TMX4: variants seen among roughly 807,000 people sequenced by gnomAD.
TMX4 encodes thioredoxin related transmembrane protein 4.
TMX4 carries 23 observed loss-of-function variants against 33.3 expected under a neutral mutation model. The observed-to-expected ratio is 0.69, with a 90% CI of 0.50 to 0.98. The LOEUF is 0.98. Ranked by LOEUF, TMX4 falls within the 50% of genes least tolerant of loss-of-function variation. TMX4 has a pLI of 0.00. For synonymous variants in TMX4, 164 were observed against 161.5 expected (o/e 1.02, Z -0.12); for missense variants, 399 against 448.9 (o/e 0.89, Z 1.01).
intron 4 of TMX4, 42 bp from the exon 5 acceptor site, chr20:7,996,113 T>A: frequency 6.6e-7 from 1 of 1,526,184 alleles, no homozygotes; most frequent in South Asian, 1.2e-5. Context: ...TCATATATAC[T>A]ATAAAAAAAA....
chr20:8,004,162 C>G (rs2050718326), intron 2 of TMX4, among the ~76,000 whole-genome samples: 1 of 150,460 alleles, frequency 6.6e-6, no homozygotes, highest in East Asian at 1.9e-4. Flanking sequence ...GGCTAAAAGA[C>G]ATCCGAAAAC....
intron 4 of TMX4, among the ~76,000 whole-genome samples, chr20:7,996,599 C>G (rs905027888): frequency 1.3e-5 from 2 of 152,152 alleles, no homozygotes; most frequent in Non-Finnish European, 2.9e-5. Context: ...TGTCCACCTG[C>G]ATCCACCTTC....
At position 7,982,306 on chromosome 20, in the gene TMX4, A is replaced by G. The variant is rs779781743; in HGVS notation, c.995T>C (p.Val332Ala). ...ACGCTGCCTCAAGGAGTCTTCCACC[A>G]CCTCTGTGTCAGCTGGGCAGGGTTG... The part of the protein sequence containing the change: ...SEQPCPADTE[V>A]VEDSLRQRKS... The change falls in exon 8 of 8, where the codon GTG (valine) becomes GCG (alanine). Residue 332 changes from valine (V) to alanine (A), a missense_variant. Coordinates refer to ENST00000246024, the MANE Select transcript of TMX4 (RefSeq NM_021156.4). The G allele has an allele frequency of 1.2e-6, 2 of 1,613,948 alleles. No homozygotes were observed. Among genetic ancestry groups the G allele is most frequent in the Admixed American group, 3.3e-5 (2 of 59,990 alleles).
chr20:7,981,578 A>G lies in TMX4; in HGVS notation c.*673T>C, dbSNP rs570896239. The G allele has an allele frequency of 6.6e-6, 1 of 152,372 alleles. No homozygotes were observed. Among genetic ancestry groups the G allele is most frequent in the East Asian group, 1.9e-4 (1 of 5,186 alleles). 9.4% of individuals were successfully genotyped at this position (152,372 alleles called of 1,614,324 possible). The stretch of plus-strand genomic sequence containing the variant: ...AGGTCAGAATGAACAAACACAGTTC[A>G]TGTAAACCTGGCTGTTATTGGAGTC... On this transcript the variant is annotated 3_prime_UTR_variant, in exon 8 of 8. Coordinates refer to ENST00000246024, the MANE Select transcript of TMX4 (RefSeq NM_021156.4).
chr20:7,995,243 T>C (rs1305486487), intron 5 of TMX4, among the ~76,000 whole-genome samples: 2 of 152,180 alleles, frequency 1.3e-5, no homozygotes, highest in African/African-American at 4.8e-5. Flanking sequence ...AAAAGACATA[T>C]ATAGGGAGAC....
chr20:7,994,893 G>A (rs930007059), intron 5 of TMX4, among the ~76,000 whole-genome samples: 2 of 152,146 alleles, frequency 1.3e-5, no homozygotes, highest in Non-Finnish European at 2.9e-5. Context: ...AGCAGCAGAA[G>A]GAAACCACAT....
intron 1 of TMX4, among the ~76,000 whole-genome samples, chr20:8,015,351 T>C (rs1203274685): frequency 6.6e-6 from 1 of 152,222 alleles, no homozygotes; most frequent in Non-Finnish European, 1.5e-5. Context: ...TGACTGAGAC[T>C]ACTACTAGAA....
At chr20:8,000,807 C>G (rs1264568614) in intron 3 of TMX4, among the ~76,000 whole-genome samples, 1 of 152,180 alleles carries the variant, frequency 6.6e-6, no homozygotes, top group Non-Finnish European at 1.5e-5. Context: ...CTAGACTTCT[C>G]CATTTGGAAC....
rs1023566030 is a variant in TMX4 at position 7,999,624 on chromosome 20, A to G, written c.467+108T>C. ...AGCATGGCCATGAGTAATCTGGGTA[A>G]TTGGAAGTAAATGTGAAGTAAAACA... On this transcript the variant is annotated intron_variant, in intron 4 of 7. Transcript: ENST00000246024. 4.0e-6 allele frequency: 5 copies of G among 1,264,474 alleles called. No homozygotes were observed. In the African/African-American group the frequency reaches 7.6e-5, roughly 19 times the overall value. The allele number at this position is 1,264,474 out of a possible 1,614,324, so 78.3% of individuals were successfully genotyped here. A position where few individuals can be genotyped will look rare whatever the true frequency, so the allele number is the denominator to read the frequency against.
intron 6 of TMX4, among the ~76,000 whole-genome samples, chr20:7,985,236 T>C (rs903158906): frequency 6.7e-6 from 1 of 149,360 alleles, no homozygotes; most frequent in East Asian, 2.0e-4. Flanking sequence ...TGTGTGTGTG[T>C]GTATATATAT....
intron 5 of TMX4, 58 bp downstream of exon 5, chr20:7,995,968 C>T (rs1327420328): frequency 5.9e-6 from 8 of 1,346,128 alleles, no homozygotes; most frequent in African/African-American, 4.4e-5. Flanking sequence ...TGCTTAAAAG[C>T]TGTATTTTTA....
At chr20:8,010,918 T>C (rs1400170577) in intron 1 of TMX4, among the ~76,000 whole-genome samples, 1 of 152,136 alleles carries the variant, frequency 6.6e-6, no homozygotes, top group Non-Finnish European at 1.5e-5. Flanking sequence ...CTTTTTACAG[T>C]TATTTTTCAT....
chr20:7,998,709 A>C (rs1422334949), intron 4 of TMX4, among the ~76,000 whole-genome samples: 1 of 152,154 alleles, frequency 6.6e-6, no homozygotes, highest in East Asian at 1.9e-4. Flanking sequence ...GGGCTTATGC[A>C]TATGCCATAC....
At chr20:8,010,560 T>C (rs2050748788) in intron 1 of TMX4, among the ~76,000 whole-genome samples, 1 of 152,172 alleles carries the variant, frequency 6.6e-6, no homozygotes, top group Non-Finnish European at 1.5e-5. Flanking sequence ...TAATTATTAT[T>C]ATCCATAAAC....
intron 1 of TMX4, among the ~76,000 whole-genome samples, chr20:8,016,442 G>C (rs950818792): frequency 3.3e-5 from 5 of 152,196 alleles, no homozygotes; most frequent in African/African-American, 7.2e-5. Flanking sequence ...GAACTTTTCA[G>C]ATTTCTAAAA....
intron 4 of TMX4, among the ~76,000 whole-genome samples, chr20:7,996,904 C>T (rs1471601753): frequency 2.0e-5 from 3 of 152,086 alleles, no homozygotes; most frequent in African/African-American, 7.2e-5. Context: ...TACCTTTAAT[C>T]GATTAAAATC....
At chr20:8,012,382 G>C (rs2050756474) in intron 1 of TMX4, among the ~76,000 whole-genome samples, 2 of 152,062 alleles carry the variant, frequency 1.3e-5, no homozygotes, top group African/African-American at 4.8e-5. Flanking sequence ...AATACTGCTT[G>C]GGGTTCAAGA....
intron 2 of TMX4, among the ~76,000 whole-genome samples, chr20:8,006,080 C>T (rs761932854): frequency 5.9e-5 from 9 of 152,286 alleles, no homozygotes; most frequent in African/African-American, 1.9e-4. Flanking sequence ...CGGTAACACA[C>T]GCCCACTGGG....
chr20:7,982,419 ACTT>A lies in TMX4; in HGVS notation c.879_881del (p.Arg293del). 1 of 1,613,844 alleles carries A rather than the reference ACTT, an allele frequency of 6.2e-7. No individual in the cohort carries two copies. Among genetic ancestry groups the A allele is most frequent in the Non-Finnish European group, 8.5e-7 (1 of 1,179,978 alleles). ...CTGGGGGCCCCTGATCATTGGCCTC[ACTT>A]CTCTCCTCATCCACACCAGCAGCCA... is the stretch of plus-strand genomic sequence containing the variant. On this transcript the variant is annotated inframe_deletion, in exon 8 of 8. Transcript: ENST00000246024.
Sources: gnomAD v4.1 joint callset for allele counts (sites outside exome capture counted in the v4.1 genomes callset) on GRCh38, gnomAD v4.1.1 for gene constraint, MANE v1.5 for transcripts, NCBI Gene and HGNC (gene_info 2026-07-23, HGNC 2026-07-21) for gene names.